KIF1C: variants seen among roughly 807,000 people sequenced by gnomAD.
The protein encoded by KIF1C is kinesin-like protein KIF1C.
A neutral mutation model predicts 126.5 loss-of-function variants in KIF1C; 61 were observed. That is an observed-to-expected ratio of 0.48 (90% CI 0.39 to 0.60). The LOEUF is 0.60. Ranked by LOEUF, KIF1C falls within the 20% of genes least tolerant of loss-of-function variation. KIF1C has a pLI of 0.00. For missense variants in KIF1C, 1,315 were observed against 1,489.2 expected (o/e 0.88, Z 1.93); for synonymous variants, 640 against 580.6 (o/e 1.10, Z -1.47).
intron 1 of KIF1C, among the ~76,000 whole-genome samples, 161 bp from the exon 2 acceptor site, chr17:4,999,689 G>A (rs574384972): frequency 5.9e-5 from 9 of 152,134 alleles, no homozygotes; most frequent in South Asian, 2.1e-4. Context: ...AAATATCACC[G>A]TCCCTGCCCT....
At chr17:5,003,784 T>G (rs1974662255) in intron 9 of KIF1C, 67 bp from the exon 10 acceptor site, 1 of 1,561,194 alleles carries the variant, frequency 6.4e-7, no homozygotes, top group Non-Finnish European at 8.8e-7. Context: ...ACTGGGGAGG[T>G]AGGAAGCGGA....
At chr17:5,021,496 T>C (rs1271598454) in intron 21 of KIF1C, among the ~76,000 whole-genome samples, 1 of 151,612 alleles carries the variant, frequency 6.6e-6, no homozygotes, top group Non-Finnish European at 1.5e-5. Flanking sequence ...TATTTTGTTT[T>C]TGAGGCAGGA....
At chr17:5,006,863 A>G (rs994241962) in intron 13 of KIF1C, 52 bp from the exon 14 acceptor site, 2 of 1,588,420 alleles carry the variant, frequency 1.3e-6, no homozygotes, top group Non-Finnish European at 1.7e-6. Context: ...GATGTCTCTC[A>G]TCAGCTCCTT....
chr17:5,005,998 G>A (rs1306301727), intron 13 of KIF1C, among the ~76,000 whole-genome samples: 1 of 151,824 alleles, frequency 6.6e-6, no homozygotes, highest in Non-Finnish European at 1.5e-5. Flanking sequence ...CCTGAGTTCA[G>A]GAGTTCGAGA....
rs1364708587 is a variant in KIF1C at position 5,019,919 on chromosome 17, G to A, written c.1667-77G>A. The A allele has an allele frequency of 5.0e-6, 6 of 1,196,436 alleles. No homozygotes were observed. In the African/African-American group the frequency reaches 9.1e-5, roughly 18 times the overall value. 74.1% of individuals were successfully genotyped at this position (1,196,436 alleles called of 1,614,324 possible). ...TGCATGTGTGGTTTTTTGGGGTAAGGCAAGGTGGGAATCTGTGACCATGAC... is the reference window on the plus strand; with the variant it reads ...TGCATGTGTGGTTTTTTGGGGTAAGACAAGGTGGGAATCTGTGACCATGAC... On this transcript the variant is annotated intron_variant, in intron 18 of 22. Transcript: ENST00000320785.
chr17:5,023,562 T>C lies in KIF1C; in HGVS notation c.2723T>C (p.Met908Thr). 1.2e-6 allele frequency: 2 copies of C among 1,613,618 alleles called. No individual in the cohort carries two copies. Among genetic ancestry groups the C allele is most frequent in the Non-Finnish European group, 1.7e-6 (2 of 1,179,920 alleles). ...GAGGAGGCAGCCCCCAGTGACCGCA[T>C]GCCGTCAGCCCGGCCCCCCTCGCCA... ...AAEEAAPSDR[M>T]PSARPPSPPL... is the part of the protein sequence containing the mutation. The change falls in exon 23 of 23, where the codon ATG (methionine) becomes ACG (threonine). Residue 908 changes from methionine to threonine, a missense_variant. Coordinates refer to ENST00000320785, the MANE Select transcript of KIF1C (RefSeq NM_006612.6). The surrounding 1 kb of genome is among the most constrained non-coding windows in gnomAD (Gnocchi z 4.2).
chr17:5,021,026 G>A (rs965093631), intron 21 of KIF1C, 148 bp downstream of exon 21: 2 of 658,588 alleles, frequency 3.0e-6, no homozygotes, highest in African/African-American at 3.6e-5. Context: ...GGAGAGAGAT[G>A]TGACTACAGG....
Position 5,004,947 on chromosome 17 carries a change from C to G in KIF1C, c.1112C>G (p.Ala371Gly). ...RLIRELQEEV[A>G]RLRELLMAQG... ...ATTAGAGAGCTGCAGGAGGAAGTAGCCCGGCTGCGGGAACTGCTGATGGCT... is the reference window on the plus strand; with the variant it reads ...ATTAGAGAGCTGCAGGAGGAAGTAGGCCGGCTGCGGGAACTGCTGATGGCT... The change falls in exon 13 of 23, where the codon GCC becomes GGC. Residue 371 changes from alanine (A) to glycine (G), a missense_variant. This residue lies in a region of KIF1C where 874 missense variants were observed against 1,053.2 expected (regional missense o/e 0.83). Coordinates refer to ENST00000320785, the MANE Select transcript of KIF1C (RefSeq NM_006612.6). 11 of 1,614,218 alleles carry G rather than the reference C, an allele frequency of 6.8e-6. No individual in the cohort carries two copies. Among genetic ancestry groups the G allele is most frequent in the Non-Finnish European group, 9.3e-6 (11 of 1,180,036 alleles).
At position 5,002,804 on chromosome 17, in the gene KIF1C, C is replaced by T. The variant is rs141189136; in HGVS notation, c.682C>T (p.Arg228Cys). 29 of 1,613,718 alleles carry T rather than the reference C, an allele frequency of 1.8e-5. No individual in the cohort carries two copies. The highest frequency in any genetic ancestry group is 9.4e-5 in the African/African-American group (7 of 74,858). The stretch of plus-strand genomic sequence containing the variant: ...CGTCTTTACCATCGTCTTCACACAG[C>T]GCTGCCATGACCAGCTCACGGGGCT... The part of the protein sequence containing the change: ...HAVFTIVFTQ[R>C]CHDQLTGLDS... Residue 228 changes from arginine (R) to cysteine (C), a missense_variant, in exon 8 of 23, where the codon CGC (arginine) becomes TGC (cysteine). Arg to Cys is a radical substitution (Grantham distance 180, BLOSUM62 -3). Transcript: ENST00000320785.
At chr17:5,002,897 G>C in intron 8 of KIF1C, 55 bp downstream of exon 8, 4 of 1,396,066 alleles carry the variant, frequency 2.9e-6, no homozygotes, top group Non-Finnish European at 3.0e-6. Flanking sequence ...CCTGGCAACA[G>C]GGACAGTGAC....
intron 16 of KIF1C, among the ~76,000 whole-genome samples, chr17:5,009,569 A>C (rs1260333773): frequency 1.3e-5 from 2 of 151,652 alleles, no homozygotes; most frequent in Non-Finnish European, 2.9e-5. Context: ...CGGGTGGATC[A>C]CGAGGTCAGG....
intron 16 of KIF1C, chr17:5,012,198 A>T (rs1597854384): frequency 2.0e-5 from 3 of 151,964 alleles, no homozygotes. Context: ...TCATCTCTGT[A>T]CCCCGCCTAG....
Position 5,022,122 on chromosome 17 carries a change from G to A in KIF1C, c.2041G>A (p.Asp681Asn). Residue 681 changes from aspartate to asparagine, a missense_variant, in exon 22 of 23, where the codon GAC becomes AAC. By Grantham distance (23) the Asp-to-Asn change is conservative. Transcript: ENST00000320785. This position sits in a 1 kb window ranked among gnomAD's most constrained non-coding sequence, Gnocchi z 4.9. ...AGACTCGGACAGCGGGGATGACTCT[G>A]ACAAGCGCTCTTGTGAAGAGAGCTG... ...YADSDSGDDS[D>N]KRSCEESWRL... 2.5e-6 allele frequency: 4 copies of A among 1,610,184 alleles called. No individual in the cohort carries two copies. The highest frequency in any genetic ancestry group is 3.4e-6 in the Non-Finnish European group (4 of 1,177,164).
At chr17:5,019,833 T>C in intron 18 of KIF1C, 163 bp from the exon 19 acceptor site, 1 of 629,364 alleles carries the variant, frequency 1.6e-6, no homozygotes, top group Non-Finnish European at 2.9e-6. Flanking sequence ...TCCTTTCCCG[T>C]GCTGCCTGCC....
intron 21 of KIF1C, among the ~76,000 whole-genome samples, chr17:5,021,169 GTTTTTTTTT>G (rs765920431): frequency 1.3e-5 from 1 of 77,370 alleles, no homozygotes; most frequent in Non-Finnish European, 2.4e-5. Context: ...GATTGTTGTG[GTTTTTTTTT>G]TTTTTTTTTT....
intron 8 of KIF1C, 69 bp downstream of exon 8, chr17:5,002,911 G>T: frequency 1.5e-6 from 2 of 1,308,248 alleles, no homozygotes; most frequent in South Asian, 1.2e-5. Flanking sequence ...CAGTGACATG[G>T]TAGAAGGGTC....
In KIF1C at chr17:5,023,315, G is replaced by C. The variant is rs746714330; in HGVS notation, c.2629-153G>C. Among the ~76,000 whole-genome samples the C allele has an allele frequency of 6.6e-6, 1 of 152,024 alleles. No individual in the cohort carries two copies. The highest frequency in any genetic ancestry group is 1.5e-5 in the Non-Finnish European group (1 of 68,006). On this transcript the variant is annotated intron_variant, in intron 22 of 22. Coordinates refer to ENST00000320785, the MANE Select transcript of KIF1C (RefSeq NM_006612.6). The surrounding 1 kb of genome is among the most constrained non-coding windows in gnomAD (Gnocchi z 4.2). ...ATTACAGGCGTGAGCCACTGCGCCCGGCCCTAAACCACTATTTTTCGAGCT... is the reference window on the plus strand; with the variant it reads ...ATTACAGGCGTGAGCCACTGCGCCCCGCCCTAAACCACTATTTTTCGAGCT...
Position 5,001,982 on chromosome 17 carries a change from G to T in KIF1C, c.364-77G>T, listed in dbSNP as rs185611065. The T allele has an allele frequency of 1.3e-3, 1,766 of 1,332,208 alleles. 3 individuals are homozygous for T. Among genetic ancestry groups the T allele is most frequent in the Non-Finnish European group, 1.8e-3 (1,619 of 923,960 alleles). 82.5% of individuals were successfully genotyped at this position (1,332,208 alleles called of 1,614,324 possible). On this transcript the variant is annotated intron_variant, in intron 5 of 22. Transcript: ENST00000320785. ...GGGTTAAATGGGGTCACTTGGGACT[G>T]GGCCTGGCCTGTGGCTGGACACTTT... is the stretch of plus-strand genomic sequence containing the variant.
In KIF1C at chr17:5,008,054, G is replaced by C. The variant is rs530581968; in HGVS notation, c.1491+512G>C. Among the ~76,000 whole-genome samples the C allele has an allele frequency of 7.9e-5, 12 of 152,256 alleles. 1 individual carries two copies. In the South Asian group the frequency reaches 2.1e-3, roughly 26 times the overall value. On this transcript the variant is annotated intron_variant, in intron 16 of 22. Transcript: ENST00000320785. ...TTTGGAAAGTGGAACCTGAAAGATG[G>C]ACAGGACTTGGGAAGTATGGAGGAG...
Sources: allele counts gnomAD v4.1 joint callset (sites outside exome capture counted in the v4.1 genomes callset), GRCh38; gene constraint gnomAD v4.1.1; regional missense constraint gnomAD v4.1.1; non-coding constraint Gnocchi (gnomAD v3.1); transcripts MANE v1.5; gene names NCBI Gene and HGNC (gene_info 2026-07-23, HGNC 2026-07-21).